Variants in DTNB observed in about 807,000 individuals in gnomAD.
DTNB encodes the protein dystrobrevin beta, also known as DTN-B.
A neutral mutation model predicts 90.7 loss-of-function variants in DTNB; 63 were observed. The ratio of observed to expected loss-of-function variants is 0.69; its 90% CI spans 0.57 to 0.86. The LOEUF (loss-of-function observed/expected upper bound fraction) is 0.86, where lower values mean the gene tolerates loss of function less well. Ranked by LOEUF, DTNB falls within the 40% of genes least tolerant of loss-of-function variation. DTNB has a pLI of 0.00. For synonymous variants in DTNB, 277 were observed against 286.7 expected (o/e 0.97, Z 0.34); for missense variants, 744 against 807.1 (o/e 0.92, Z 0.95).
intron 3 of DTNB, among the ~76,000 whole-genome samples, chr2:25,633,216 C>G (rs904730080): frequency 2.6e-5 from 4 of 151,992 alleles, no homozygotes; most frequent in African/African-American, 9.7e-5. Flanking sequence ...GATGCCGAGC[C>G]GAAGCTGGAC....
chr2:25,501,884 A>G (rs986432133), intron 9 of DTNB, among the ~76,000 whole-genome samples: 2 of 152,178 alleles, frequency 1.3e-5, no homozygotes, highest in Admixed American at 6.5e-5. Flanking sequence ...CAGATTTATT[A>G]AAGTATTAAA....
At chr2:25,647,255 A>G (rs1033114971) in intron 2 of DTNB, among the ~76,000 whole-genome samples, 1 of 152,246 alleles carries the variant, frequency 6.6e-6, no homozygotes, top group Non-Finnish European at 1.5e-5. Flanking sequence ...ACATGCATCC[A>G]AGAATTAAAG....
At chr2:25,608,101 G>A (rs1020140792) in intron 4 of DTNB, among the ~76,000 whole-genome samples, 1 of 152,190 alleles carries the variant, frequency 6.6e-6, no homozygotes, top group Non-Finnish European at 1.5e-5. Flanking sequence ...TCACTAGTTG[G>A]TTGTTAAAGT....
rs146251976 is a variant in DTNB at position 25,570,406 on chromosome 2, C to CA, written c.876+6431dup. Reference sequence around the variant, plus strand: ...TGGACAATAGAGTGGTTTCCTGTCTCAAAAAAAAAAAAAAAAAAAAAAAAA... The same window carrying CA: ...TGGACAATAGAGTGGTTTCCTGTCTCAAAAAAAAAAAAAAAAAAAAAAAAAA... On this transcript the variant is annotated intron_variant, in intron 8 of 20. Coordinates refer to ENST00000406818, the MANE Select transcript of DTNB (RefSeq NM_021907.5). Among the ~76,000 whole-genome samples the CA allele has an allele frequency of 8.9e-3, 798 of 89,650 alleles. 9 individuals are homozygous for CA. Among genetic ancestry groups the CA allele is most frequent in the African/African-American group, 0.013 (251 of 19,596 alleles). 58.8% of individuals were successfully genotyped at this position (89,650 alleles called of 152,430 possible).
At chr2:25,600,577 G>T (rs1164532764) in intron 5 of DTNB, among the ~76,000 whole-genome samples, 3 of 152,160 alleles carry the variant, frequency 2.0e-5, no homozygotes, top group Non-Finnish European at 2.9e-5. Flanking sequence ...TCTCAGTCAA[G>T]TTTTCTATCG....
In DTNB at chr2:25,628,027, T is replaced by C. The variant is rs371283646; in HGVS notation, c.362+144A>G. ...CTGGGACTACAGCTGTGAGCTACCG[T>C]GCCCAGCCAATAATTTCCCTTTTAA... On this transcript the variant is annotated intron_variant, in intron 4 of 20. Coordinates refer to ENST00000406818, the MANE Select transcript of DTNB (RefSeq NM_021907.5). 1.0e-3 allele frequency: 899 copies of C among 857,670 alleles called. 3 individuals carry two copies. The highest frequency in any genetic ancestry group is 7.3e-3 in the East Asian group (266 of 36,372). The allele number at this position is 857,670 out of a possible 1,614,324, so 53.1% of individuals were successfully genotyped here.
intron 1 of DTNB, among the ~76,000 whole-genome samples, chr2:25,664,514 G>A (rs1307361962): frequency 6.6e-6 from 1 of 152,036 alleles, no homozygotes; most frequent in African/African-American, 2.4e-5. Context: ...CCCTCCAGGC[G>A]GTGGGGTTCC....
chr2:25,607,292 G>A lies in DTNB; in HGVS notation c.392C>T (p.Ser131Leu). 1 of 1,606,684 alleles carries A rather than the reference G, an allele frequency of 6.2e-7. No homozygotes were observed. The highest frequency in any genetic ancestry group is 8.5e-7 in the Non-Finnish European group (1 of 1,176,456). ...SEGRGKLTVFSVKAMLATMCG... is the reference protein window; with the variant it reads ...SEGRGKLTVFLVKAMLATMCG... ...CATGGTTGCTAACATAGCTTTAACT[G>A]AAAATACCGTCAACTTGCCTCGGCC... is the stretch of plus-strand genomic sequence containing the variant. The change falls in exon 5 of 21, where the codon TCA becomes TTA. Residue 131 changes from serine to leucine, a missense_variant. Transcript: ENST00000406818.
chr2:25,427,217 A>G (rs1558477232), intron 15 of DTNB, among the ~76,000 whole-genome samples: 1 of 151,156 alleles, frequency 6.6e-6, no homozygotes, highest in Non-Finnish European at 1.5e-5. Flanking sequence ...ACACACACAC[A>G]CACACACTAC....
intron 16 of DTNB, among the ~76,000 whole-genome samples, chr2:25,395,429 T>C (rs2042131284): frequency 6.6e-6 from 1 of 151,786 alleles, no homozygotes. Flanking sequence ...TATGTATACA[T>C]AAATATATAA....
At chr2:25,564,407 G>T (rs1171789424) in intron 8 of DTNB, among the ~76,000 whole-genome samples, 1 of 151,914 alleles carries the variant, frequency 6.6e-6, no homozygotes, top group Non-Finnish European at 1.5e-5. Flanking sequence ...TTGAGATGGA[G>T]TCTCTCTCTG....
At position 25,577,799 on chromosome 2, in the gene DTNB, G is replaced by A. The variant is rs904175740; in HGVS notation, c.710-795C>T. On this transcript the variant is annotated intron_variant, in intron 7 of 20. Transcript: ENST00000406818. ...GGGCAGATCACGAGGTCAGGAGTTC[G>A]AGACCAGCCTGACCAACATGGAGAA... is the stretch of plus-strand genomic sequence containing the variant. Among the ~76,000 whole-genome samples the A allele has an allele frequency of 5.9e-5, 9 of 152,202 alleles. No individual in the cohort carries two copies. The South Asian group carries it at 8.3e-4, about 14-fold the overall frequency.
At chr2:25,544,381 A>C (rs895735512) in intron 8 of DTNB, among the ~76,000 whole-genome samples, 2 of 152,256 alleles carry the variant, frequency 1.3e-5, no homozygotes, top group Non-Finnish European at 2.9e-5. Context: ...AATTCCTTGC[A>C]CAGCACAATC....
At chr2:25,539,509 G>A (rs930834745) in intron 8 of DTNB, among the ~76,000 whole-genome samples, 3 of 150,972 alleles carry the variant, frequency 2.0e-5, no homozygotes, top group Non-Finnish European at 4.4e-5. Flanking sequence ...TATGTTTATG[G>A]GCCATTTGTG....
At chr2:25,473,159 T>C (rs1396372843) in intron 10 of DTNB, among the ~76,000 whole-genome samples, 1 of 152,166 alleles carries the variant, frequency 6.6e-6, no homozygotes, top group Non-Finnish European at 1.5e-5. Flanking sequence ...ATAAGATCCA[T>C]GAAAAAGTTG....
chr2:25,428,181 G>T (rs1169298465), intron 14 of DTNB, among the ~76,000 whole-genome samples: 1 of 151,952 alleles, frequency 6.6e-6, no homozygotes, highest in Non-Finnish European at 1.5e-5. Context: ...TCTTGTCTCT[G>T]TCTCTTTTTT....
rs79667698 is a variant in DTNB at position 25,615,523 on chromosome 2, G to A, written c.363-8202C>T. Among the ~76,000 whole-genome samples the A allele has an allele frequency of 4.3e-3, 659 of 152,210 alleles. 5 individuals carry two copies. Among genetic ancestry groups the A allele is most frequent in the African/African-American group, 0.015 (603 of 41,522 alleles). Reference sequence around the variant, plus strand: ...TCCTATCACTCAGGAAGTTACAAAGGTATTAGGAGTTCAGTGTAAAGAACT... The same window carrying A: ...TCCTATCACTCAGGAAGTTACAAAGATATTAGGAGTTCAGTGTAAAGAACT... On this transcript the variant is annotated intron_variant, in intron 4 of 20. Transcript: ENST00000406818.
At chr2:25,527,736 T>G (rs1465361428) in intron 9 of DTNB, among the ~76,000 whole-genome samples, 1 of 152,168 alleles carries the variant, frequency 6.6e-6, no homozygotes, top group African/African-American at 2.4e-5. Flanking sequence ...AGTCTAATTG[T>G]TTTTTAAAAA....
chr2:25,464,706 C>T (rs1401816568), intron 10 of DTNB, among the ~76,000 whole-genome samples: 3 of 152,150 alleles, frequency 2.0e-5, no homozygotes, highest in Non-Finnish European at 4.4e-5. Flanking sequence ...CCATCAGCAG[C>T]GAGAAGTCAT....
Sources: gnomAD v4.1 joint callset for allele counts (sites outside exome capture counted in the v4.1 genomes callset) on GRCh38, gnomAD v4.1.1 for gene constraint, MANE v1.5 for transcripts, NCBI Gene and HGNC (gene_info 2026-07-23, HGNC 2026-07-21) for gene names.